KIT: variants seen among roughly 807,000 people sequenced by gnomAD.
KIT encodes the protein mast/stem cell growth factor receptor Kit.
In KIT, 16 loss-of-function variants were observed where a neutral mutation model predicts 105.7. The observed-to-expected ratio is 0.15, with a 90% CI of 0.10 to 0.23. The LOEUF is 0.23. KIT is among the 10% of genes least tolerant of loss of function. The probability of loss-of-function intolerance (pLI) is 1.00; values close to 1 mark genes in which losing one functional copy is unlikely to be tolerated. For synonymous variants in KIT, 438 were observed against 441.1 expected (o/e 0.99, Z 0.09); for missense variants, 858 against 1,213.8 (o/e 0.71, Z 4.36).
intron 1 of KIT, among the ~76,000 whole-genome samples, chr4:54,669,390 G>T (rs1394594293): frequency 1.3e-5 from 2 of 152,250 alleles, no homozygotes; most frequent in Non-Finnish European, 2.9e-5. Flanking sequence ...AGAGCATTGT[G>T]TGTGCCTGCG....
At chr4:54,699,867 T>A in intron 4 of KIT, 101 bp downstream of exon 4, 1 of 1,286,550 alleles carries the variant, frequency 7.8e-7, no homozygotes, top group Non-Finnish European at 1.1e-6. Context: ...GACTAGTGCG[T>A]CTGTCAGAGG....
chr4:54,667,389 A>T (rs1717780463), intron 1 of KIT, among the ~76,000 whole-genome samples: 1 of 152,190 alleles, frequency 6.6e-6, no homozygotes, highest in African/African-American at 2.4e-5. Flanking sequence ...GGATCCTAGG[A>T]CCTATAGGAA....
At chr4:54,684,908 C>T (rs1719204377) in intron 1 of KIT, among the ~76,000 whole-genome samples, 1 of 152,216 alleles carries the variant, frequency 6.6e-6, no homozygotes, top group Admixed American at 6.5e-5. Context: ...GTGGCCAGTC[C>T]TGTGCCCTGG....
In KIT at chr4:54,740,392, T is replaced by C. The variant is rs191473270; in HGVS notation, c.*1835T>C. 6.4e-5 allele frequency: 15 copies of C among 233,518 alleles called. No homozygotes were observed. Among genetic ancestry groups the C allele is most frequent in the East Asian group, 3.6e-4 (6 of 16,520 alleles). 14.5% of individuals were successfully genotyped at this position (233,518 alleles called of 1,614,324 possible). On this transcript the variant is annotated 3_prime_UTR_variant, in exon 21 of 21. Transcript: ENST00000288135. ...GTCTAGGTACTTCAGGGGCACTTCATTGAGAGTTTTGTCTTGGATATTCTT... is the reference window on the plus strand; with the variant it reads ...GTCTAGGTACTTCAGGGGCACTTCACTGAGAGTTTTGTCTTGGATATTCTT...
Position 54,695,886 on chromosome 4 carries a change from G to T in KIT, c.337+105G>T, listed in dbSNP as rs549551201. On this transcript the variant is annotated intron_variant, in intron 2 of 20. Coordinates refer to ENST00000288135, the MANE Select transcript of KIT (RefSeq NM_000222.3). ...CTGAGCCATAGATAAAATATTTCTGGCTGGGTCTAGAAGGCCTAAAACACA... is the reference window on the plus strand; with the variant it reads ...CTGAGCCATAGATAAAATATTTCTGTCTGGGTCTAGAAGGCCTAAAACACA... The T allele has an allele frequency of 6.0e-5, 84 of 1,400,710 alleles. 1 individual carries two copies. In the South Asian group the frequency reaches 8.7e-4, roughly 14 times the overall value. The allele number at this position is 1,400,710 out of a possible 1,614,324, so 86.8% of individuals were successfully genotyped here.
chr4:54,666,320 G>A (rs1196236918), intron 1 of KIT, among the ~76,000 whole-genome samples: 9 of 151,500 alleles, frequency 5.9e-5, no homozygotes, highest in Non-Finnish European at 8.8e-5. Context: ...TCACTCTGTC[G>A]CCAGGCTGGA....
In KIT at chr4:54,727,477, A is replaced by G. The variant is rs762089641; in HGVS notation, c.1709A>G (p.Tyr570Cys). The change falls in exon 11 of 21, where the codon TAC (tyrosine) becomes TGC (cysteine). Residue 570 changes from tyrosine (Y) to cysteine (C), a missense_variant. Around this residue, in one of 7 missense-constraint regions of KIT, gnomAD observed 78 missense variants for 77.6 expected, o/e 1.01. Transcript: ENST00000288135. ...GAGATAAATGGAAACAATTATGTTTACATAGACCCAACACAACTTCCTTAT... is the reference window on the plus strand; with the variant it reads ...GAGATAAATGGAAACAATTATGTTTGCATAGACCCAACACAACTTCCTTAT... ...VEEINGNNYV[Y>C]IDPTQLPYDH... 6.2e-7 allele frequency: 1 copy of G among 1,613,936 alleles called. No homozygotes were observed. Among genetic ancestry groups the G allele is most frequent in the South Asian group, 1.1e-5 (1 of 91,086 alleles).
chr4:54,718,961 T>A (rs992107462), intron 7 of KIT, among the ~76,000 whole-genome samples: 2 of 152,198 alleles, frequency 1.3e-5, no homozygotes, highest in Non-Finnish European at 2.9e-5. Flanking sequence ...TTTATTATAA[T>A]GGTATTATGG....
At chr4:54,662,799 C>G (rs2109539032) in intron 1 of KIT, among the ~76,000 whole-genome samples, 1 of 152,246 alleles carries the variant, frequency 6.6e-6, no homozygotes, top group East Asian at 1.9e-4. Flanking sequence ...TCTCGAACCC[C>G]TGACCTCAGG....
rs139644803 is a variant in KIT at position 54,731,349 on chromosome 4, C to T, written c.2163C>T (p.Tyr721=). 6.2e-7 allele frequency: 1 copy of T among 1,613,018 alleles called. No individual in the cohort carries two copies. The highest frequency in any genetic ancestry group is 8.5e-7 in the Non-Finnish European group (1 of 1,179,244). ...ESSCSDSTNE[Y]MDMKPGVSYV... The stretch of plus-strand genomic sequence containing the variant: ...CCAGCAGCGATAGTACTAATGAGTA[C>T]ATGGACATGAAACCTGGAGTTTCTT... The change falls in exon 15 of 21, where the codon TAC becomes TAT. Residue 721 remains tyrosine (Y), a synonymous_variant. Transcript: ENST00000288135.
rs1401923759 is a variant in KIT, at chr4:54,738,548, C to T, written c.2922C>T (p.Asp974=). ...CCTCCCAGCCTCTGCTTGTGCACGA[C>T]GATGTCTGAGCAGAATCAGTGTTTG... ...ASSSQPLLVH[D]DV The change falls in exon 21 of 21, where the codon GAC becomes GAT. Residue 974 remains aspartate, a synonymous_variant. Coordinates refer to ENST00000288135, the MANE Select transcript of KIT (RefSeq NM_000222.3). 11 of 1,613,868 alleles carry T rather than the reference C, an allele frequency of 6.8e-6. No individual in the cohort carries two copies. The South Asian group carries it at 7.7e-5, about 11-fold the overall frequency.
intron 1 of KIT, among the ~76,000 whole-genome samples, chr4:54,671,493 G>A (rs1718107724): frequency 6.6e-6 from 1 of 152,178 alleles, no homozygotes; most frequent in African/African-American, 2.4e-5. Flanking sequence ...TAGGTCTATA[G>A]GTGGCTGCTT....
chr4:54,675,897 G>A (rs946290769), intron 1 of KIT, among the ~76,000 whole-genome samples: 2 of 152,124 alleles, frequency 1.3e-5, no homozygotes, highest in Non-Finnish European at 2.9e-5. Context: ...TTGCCACCCG[G>A]TGTCACTATT....
rs1723104925 is a variant in KIT at position 54,739,111 on chromosome 4, A to T, written c.*554A>T. 2.6e-6 allele frequency: 1 copy of T among 385,838 alleles called. No individual in the cohort carries two copies. 23.9% of individuals were successfully genotyped at this position (385,838 alleles called of 1,614,324 possible). A position where few individuals can be genotyped will look rare whatever the true frequency, so the allele number is the denominator to read the frequency against. On this transcript the variant is annotated 3_prime_UTR_variant, in exon 21 of 21. Transcript: ENST00000288135. ...AAAAAATGATCCCCAAGTGTGAACAAAAGATGCTCTTCTGTGGACCACTGC... is the reference window on the plus strand; with the variant it reads ...AAAAAATGATCCCCAAGTGTGAACATAAGATGCTCTTCTGTGGACCACTGC...
intron 7 of KIT, among the ~76,000 whole-genome samples, chr4:54,716,081 C>T (rs145264517): frequency 0.013 from 2,047 of 152,306 alleles, 44 homozygotes; most frequent in African/African-American, 0.047. Flanking sequence ...CCAAACCATA[C>T]TTGTGTTAGA....
intron 3 of KIT, among the ~76,000 whole-genome samples, chr4:54,699,110 C>T (rs1720282481): frequency 6.6e-6 from 1 of 152,186 alleles, no homozygotes; most frequent in South Asian, 2.1e-4. Flanking sequence ...CAGAGATCAT[C>T]TAATTCAACA....
chr4:54,711,004 C>T (rs186195436), intron 7 of KIT, among the ~76,000 whole-genome samples: 11 of 152,156 alleles, frequency 7.2e-5, no homozygotes, highest in African/African-American at 2.2e-4. Context: ...TTCAGCTTAC[C>T]AAGTAGCTGG....
At chr4:54,734,464 G>A (rs193219632) in intron 17 of KIT, among the ~76,000 whole-genome samples, 7 of 152,100 alleles carry the variant, frequency 4.6e-5, no homozygotes, top group Non-Finnish European at 7.4e-5. Flanking sequence ...TCTTATTTAC[G>A]ATCTAAATAA....
intron 1 of KIT, among the ~76,000 whole-genome samples, chr4:54,689,414 T>C (rs1054850102): frequency 2.6e-5 from 4 of 152,224 alleles, no homozygotes; most frequent in African/African-American, 9.7e-5. Context: ...AAAAATGCCT[T>C]GGGCAGGGTC....
Sources: gnomAD v4.1 joint callset for allele counts (sites outside exome capture counted in the v4.1 genomes callset) on GRCh38, gnomAD v4.1.1 for gene constraint, gnomAD v4.1.1 regional missense constraint, MANE v1.5 for transcripts, NCBI Gene and HGNC (gene_info 2026-07-23, HGNC 2026-07-21) for gene names.